The following HS6ST3 variants were observed in gnomAD, a reference collection of about 807,000 sequenced individuals.
The protein encoded by HS6ST3 is heparan sulfate 6-O-sulfotransferase 3.
A neutral mutation model predicts 36.7 loss-of-function variants in HS6ST3; 12 were observed. The observed-to-expected ratio is 0.33, with a 90% CI of 0.21 to 0.53. The LOEUF (loss-of-function observed/expected upper bound fraction) is 0.53, where lower values mean the gene tolerates loss of function less well. HS6ST3 is among the 20% of genes least tolerant of loss of function. The pLI, the probability that HS6ST3 is intolerant of heterozygous loss-of-function variation, is 0.95. For missense variants in HS6ST3, 584 were observed against 640.9 expected, an observed-to-expected ratio of 0.91 and a Z score of 0.96; for synonymous variants, 240 against 257.5, an observed-to-expected ratio of 0.93 and a Z score of 0.65.
chr13:96,650,393 C>A (rs1220124905), intron 1 of HS6ST3, among the ~76,000 whole-genome samples: 1 of 151,880 alleles, frequency 6.6e-6, no homozygotes, highest in Non-Finnish European at 1.5e-5. Flanking sequence ...CCTTGACTTT[C>A]ATTTCTGTCT....
At chr13:96,440,862 C>T (rs929848790) in intron 1 of HS6ST3, among the ~76,000 whole-genome samples, 1 of 152,192 alleles carries the variant, frequency 6.6e-6, no homozygotes, top group African/African-American at 2.4e-5. Context: ...CCTACCTTTT[C>T]TCCAGCATTT....
rs551109213 is a variant in HS6ST3, at chr13:96,722,545, C to T, written c.708-109945C>T. On this transcript the variant is annotated intron_variant, in intron 1 of 1. Transcript: ENST00000376705. ...ACTGTAGAAAGAACACATGGGTGTT[C>T]GCTTTGGATCCAGACAGATCTAGAT... 5.9e-5 allele frequency among the ~76,000 whole-genome samples: 9 copies of T among 152,286 alleles called. No individual in the cohort carries two copies. In the South Asian group the frequency reaches 1.2e-3, roughly 21 times the overall value.
intron 1 of HS6ST3, among the ~76,000 whole-genome samples, chr13:96,731,228 C>T (rs985304470): frequency 2.0e-5 from 3 of 152,194 alleles, no homozygotes; most frequent in Non-Finnish European, 4.4e-5. Flanking sequence ...ACCAGCATCT[C>T]CTCAAAGTCT....
intron 1 of HS6ST3, among the ~76,000 whole-genome samples, chr13:96,139,117 G>A (rs1006862024): frequency 4.6e-5 from 7 of 152,120 alleles, no homozygotes; most frequent in African/African-American, 1.7e-4. Context: ...GATTTCAGCT[G>A]TAAATAGTTA....
chr13:96,648,493 T>TTA (rs1280345181), intron 1 of HS6ST3, among the ~76,000 whole-genome samples: 7 of 151,994 alleles, frequency 4.6e-5, no homozygotes, highest in African/African-American at 1.7e-4. Flanking sequence ...CTTTTTTTTT[T>TTA]TTTTATTTTA....
At chr13:96,324,958 T>C (rs2055023169) in intron 1 of HS6ST3, among the ~76,000 whole-genome samples, 1 of 152,180 alleles carries the variant, frequency 6.6e-6, no homozygotes, top group Non-Finnish European at 1.5e-5. Flanking sequence ...GATTTTAGTT[T>C]TGTTATTGTA....
At chr13:96,699,021 T>C (rs1875208096) in intron 1 of HS6ST3, among the ~76,000 whole-genome samples, 1 of 152,150 alleles carries the variant, frequency 6.6e-6, no homozygotes. Flanking sequence ...ATTTAATAAA[T>C]GCTGCTGGGA....
At chr13:96,749,101 GT>G (rs1401225176) in intron 1 of HS6ST3, among the ~76,000 whole-genome samples, 4 of 152,088 alleles carry the variant, frequency 2.6e-5, no homozygotes, top group Admixed American at 1.3e-4. Flanking sequence ...TATTTGAGGA[GT>G]TATTAAAACT....
chr13:96,183,426 G>A (rs929225896), intron 1 of HS6ST3, among the ~76,000 whole-genome samples: 2 of 152,108 alleles, frequency 1.3e-5, no homozygotes, highest in Admixed American at 1.3e-4. Context: ...ACCTGGAGAT[G>A]TTTTTCAACT....
intron 1 of HS6ST3, among the ~76,000 whole-genome samples, chr13:96,674,320 C>T (rs1255235675): frequency 3.3e-5 from 5 of 152,108 alleles, no homozygotes; most frequent in Admixed American, 6.6e-5. Flanking sequence ...CCTGTGGAAC[C>T]GTGAGCCAAT....
intron 1 of HS6ST3, among the ~76,000 whole-genome samples, chr13:96,203,928 T>A (rs1471503929): frequency 6.6e-6 from 1 of 152,194 alleles, no homozygotes; most frequent in East Asian, 1.9e-4. Flanking sequence ...GTATTCATAT[T>A]CATATCTTTA....
chr13:96,192,312 A>T (rs570316265), intron 1 of HS6ST3, among the ~76,000 whole-genome samples: 62 of 152,278 alleles, frequency 4.1e-4, no homozygotes, highest in African/African-American at 1.5e-3. Context: ...TTTATTTTAG[A>T]TTCAATGGGT....
In HS6ST3 at chr13:96,635,616, A is replaced by C. The variant is rs1338564192; in HGVS notation, c.708-196874A>C. On this transcript the variant is annotated intron_variant, in intron 1 of 1. Coordinates refer to ENST00000376705, the MANE Select transcript of HS6ST3 (RefSeq NM_153456.4). ...TAACCTCCAATCACATTGTATACAA[A>C]TATTATGCTTATGCATCTGTGTTCT... 2.6e-5 allele frequency among the ~76,000 whole-genome samples: 4 copies of C among 152,166 alleles called. No homozygotes were observed. In the East Asian group the frequency reaches 7.7e-4, roughly 29 times the overall value.
intron 1 of HS6ST3, among the ~76,000 whole-genome samples, chr13:96,716,412 A>T (rs1875697150): frequency 6.6e-6 from 1 of 152,214 alleles, no homozygotes; most frequent in Admixed American, 6.5e-5. Flanking sequence ...TCTTGAAGGA[A>T]TAACAACCAA....
intron 1 of HS6ST3, among the ~76,000 whole-genome samples, chr13:96,178,469 A>C (rs1315712085): frequency 6.6e-6 from 1 of 152,046 alleles, no homozygotes; most frequent in Non-Finnish European, 1.5e-5. Context: ...TTCAGGGACC[A>C]ACTTCTACCC....
chr13:96,779,581 G>A (rs2138513021), intron 1 of HS6ST3, among the ~76,000 whole-genome samples: 2 of 152,080 alleles, frequency 1.3e-5, no homozygotes, highest in Non-Finnish European at 2.9e-5. Context: ...GGACATACGT[G>A]CCAAGATGAT....
intron 1 of HS6ST3, among the ~76,000 whole-genome samples, chr13:96,404,289 A>G (rs924600670): frequency 5.3e-5 from 8 of 152,126 alleles, no homozygotes; most frequent in East Asian, 1.9e-4. Flanking sequence ...TCAGTGCCTT[A>G]TATGCCCGTA....
chr13:96,675,791 C>G (rs2056697076), intron 1 of HS6ST3, among the ~76,000 whole-genome samples: 1 of 152,140 alleles, frequency 6.6e-6, no homozygotes, highest in Non-Finnish European at 1.5e-5. Context: ...AAGTACTGAC[C>G]TCTCTAGTTT....
At chr13:96,161,618 A>G (rs575261199) in intron 1 of HS6ST3, among the ~76,000 whole-genome samples, 46 of 152,338 alleles carry the variant, frequency 3.0e-4, no homozygotes, top group African/African-American at 1.1e-3. Context: ...CAGTGTGCAG[A>G]TGAGCTATGT....
Sources: allele counts gnomAD v4.1 joint callset (sites outside exome capture counted in the v4.1 genomes callset), GRCh38; gene constraint gnomAD v4.1.1; transcripts MANE v1.5; gene names NCBI Gene and HGNC (gene_info 2026-07-23, HGNC 2026-07-21).